Variants in PTGR1 observed in about 807,000 individuals in gnomAD.
PTGR1 encodes the protein prostaglandin reductase 1.
PTGR1 carries 23 observed loss-of-function variants against 37.7 expected under a neutral mutation model. The observed-to-expected ratio is 0.61, with a 90% confidence interval of 0.44 to 0.86. PTGR1 has a LOEUF of 0.86. PTGR1 is among the 40% of genes least tolerant of loss of function. PTGR1 has a pLI of 0.00. For synonymous variants in PTGR1, 134 were observed against 140.0 expected (o/e 0.96, Z 0.30); for missense variants, 351 against 394.3 (o/e 0.89, Z 0.93).
At chr9:111,572,820 A>G (rs1828887558) in intron 8 of PTGR1, among the ~76,000 whole-genome samples, 1 of 151,842 alleles carries the variant, frequency 6.6e-6, no homozygotes, top group Non-Finnish European at 1.5e-5. Context: ...TGGGAAACAG[A>G]GCAAGACCTT....
At position 111,576,338 on chromosome 9, in the gene PTGR1, C is replaced by T. The variant is rs115936363; in HGVS notation, c.652-1496G>A. ...TTATTTGTAACCTCAAACCAGTACT[C>T]ACTAAGCTTTCCCTGGTCACTTGCA... On this transcript the variant is annotated intron_variant, in intron 7 of 9. Coordinates refer to ENST00000407693, the MANE Select transcript of PTGR1 (RefSeq NM_001146108.2). 692 of 1,612,914 alleles carry T rather than the reference C, an allele frequency of 4.3e-4. 4 individuals are homozygous for T. The African/African-American group carries it at 8.7e-3, about 20-fold the overall frequency.
chr9:111,551,730 A>T (rs944590244), intron 9 of PTGR1, among the ~76,000 whole-genome samples: 1 of 152,178 alleles, frequency 6.6e-6, no homozygotes, highest in Non-Finnish European at 1.5e-5. Flanking sequence ...TTGCATCCAC[A>T]TTAACAAAAC....
chr9:111,577,660 C>A (rs551628426), intron 7 of PTGR1: 1 of 152,302 alleles, frequency 6.6e-6, no homozygotes, highest in Admixed American at 6.5e-5. Flanking sequence ...GCCTGGGCAA[C>A]ATGGCGAAAC....
chr9:111,576,000 A>C (rs971153277), intron 7 of PTGR1, among the ~76,000 whole-genome samples: 5 of 152,028 alleles, frequency 3.3e-5, no homozygotes, highest in African/African-American at 1.2e-4. Context: ...CAAAAAAAAA[A>C]TACATAAAAA....
At chr9:111,571,724 G>C (rs377405195) in intron 8 of PTGR1, among the ~76,000 whole-genome samples, 10 of 151,956 alleles carry the variant, frequency 6.6e-5, no homozygotes, top group African/African-American at 2.4e-4. Flanking sequence ...GCTCTGGTTT[G>C]AAACTCCTGG....
chr9:111,574,901 T>A, intron 7 of PTGR1, 59 bp from the exon 8 acceptor site: 1 of 1,325,462 alleles, frequency 7.5e-7, no homozygotes, highest in Non-Finnish European at 1.1e-6. Context: ...TTCAGGAGAA[T>A]CATTAAGTCA....
chr9:111,585,088 G>A (rs889406444), intron 5 of PTGR1, among the ~76,000 whole-genome samples: 1 of 152,078 alleles, frequency 6.6e-6, no homozygotes, highest in Admixed American at 6.6e-5. Context: ...ACATTACTTA[G>A]CTTACACAGC....
At chr9:111,569,815 T>C in intron 9 of PTGR1, 3 of 419,534 alleles carry the variant, frequency 7.2e-6, no homozygotes, top group South Asian at 2.3e-5. Flanking sequence ...TGGCAGACAG[T>C]GAGTGTAGAC....
intron 6 of PTGR1, among the ~76,000 whole-genome samples, chr9:111,580,356 A>G (rs1829242862): frequency 6.6e-6 from 1 of 152,180 alleles, no homozygotes; most frequent in Non-Finnish European, 1.5e-5. Flanking sequence ...GATACCACTC[A>G]GTTATCCAAA....
chr9:111,595,787 C>T (rs1453645632), intron 2 of PTGR1, among the ~76,000 whole-genome samples: 5 of 152,128 alleles, frequency 3.3e-5, no homozygotes, highest in Admixed American at 1.3e-4. Flanking sequence ...GTGCTCACCA[C>T]CACACCCAGC....
At chr9:111,568,623 C>G (rs1387378692) in intron 9 of PTGR1, among the ~76,000 whole-genome samples, 2 of 152,158 alleles carry the variant, frequency 1.3e-5, no homozygotes, top group Admixed American at 6.6e-5. Context: ...TCGTACACCC[C>G]CTCCCCTTTT....
intron 4 of PTGR1, 90 bp from the exon 5 acceptor site, chr9:111,586,255 A>G: frequency 7.8e-7 from 1 of 1,287,158 alleles, no homozygotes. Context: ...GTGTTGACAA[A>G]AGTGCACTGA....
At chr9:111,560,154 TG>T (rs996216324), downstream of PTGR1, among the ~76,000 whole-genome samples, 2 of 151,930 alleles carry the variant, frequency 1.3e-5, no homozygotes, top group African/African-American at 4.8e-5. Context: ...GAGACCAGCC[TG>T]GCCAACATGG....
intron 5 of PTGR1, 101 bp from the exon 6 acceptor site, chr9:111,583,690 G>A (rs1381388905): frequency 5.4e-6 from 5 of 920,422 alleles, no homozygotes; most frequent in Non-Finnish European, 6.8e-6. Flanking sequence ...CAGTGCCATG[G>A]GTCCAAGTAA....
At chr9:111,584,662 G>A (rs543431203) in intron 5 of PTGR1, among the ~76,000 whole-genome samples, 3 of 152,260 alleles carry the variant, frequency 2.0e-5, no homozygotes, top group Admixed American at 1.3e-4. Context: ...AAGGGGGAAA[G>A]GATCTCAAAA....
At chr9:111,589,516 CAA>C (rs1168955105) in intron 4 of PTGR1, 1 of 250,132 alleles carries the variant, frequency 4.0e-6, no homozygotes, top group African/African-American at 2.3e-5. Flanking sequence ...CTTGGCCTCC[CAA>C]AGTGTTAGGA....
At chr9:111,588,214 TGAGACGGA>T (rs1829500390) in intron 4 of PTGR1, among the ~76,000 whole-genome samples, 1 of 144,838 alleles carries the variant, frequency 6.9e-6, no homozygotes, top group African/African-American at 2.5e-5. Context: ...TTTTTTTTTT[TGAGACGGA>T]GTCTCGCTCT....
intron 9 of PTGR1, among the ~76,000 whole-genome samples, chr9:111,554,059 C>T (rs895472022): frequency 3.3e-5 from 5 of 152,186 alleles, no homozygotes; most frequent in African/African-American, 1.2e-4. Flanking sequence ...GTTTCAAACT[C>T]GGTGCCAAGG....
At chr9:111,556,734 A>G (rs932541578) in intron 9 of PTGR1, among the ~76,000 whole-genome samples, 10 of 152,110 alleles carry the variant, frequency 6.6e-5, no homozygotes, top group African/African-American at 2.2e-4. Flanking sequence ...GTTGTTTAGA[A>G]GTGTGTAGCA....
Sources: gnomAD v4.1 joint callset for allele counts (sites outside exome capture counted in the v4.1 genomes callset) on GRCh38, gnomAD v4.1.1 for gene constraint, MANE v1.5 for transcripts, NCBI Gene and HGNC (gene_info 2026-07-23, HGNC 2026-07-21) for gene names.